The following CFAP54 variants were observed in gnomAD, a reference collection of about 807,000 sequenced individuals.
CFAP54 encodes the protein cilia- and flagella-associated protein 54.
Under a neutral mutation model 370.4 loss-of-function variants are expected in CFAP54, and 290 were observed. That is an observed-to-expected ratio of 0.78 (90% CI 0.71 to 0.86). CFAP54 has a LOEUF of 0.86. CFAP54 is among the 40% of genes least tolerant of loss of function. The pLI is 0.00. For missense variants in CFAP54, 3,399 were observed against 3,528.7 expected (o/e 0.96, Z 0.93); for synonymous variants, 1,206 against 1,236.5 (o/e 0.98, Z 0.52).
At chr12:96,823,138 C>G (rs73224641) in intron 65 of CFAP54, among the ~76,000 whole-genome samples, 63 of 148,028 alleles carry the variant, frequency 4.3e-4, no homozygotes, top group South Asian at 1.1e-3. Flanking sequence ...GTGTGTGTGT[C>G]TGTGTGTGTG....
intron 50 of CFAP54, among the ~76,000 whole-genome samples, chr12:96,725,416 G>A (rs1223813747): frequency 6.6e-6 from 1 of 152,108 alleles, no homozygotes; most frequent in Non-Finnish European, 1.5e-5. Context: ...GGATTCCTAA[G>A]TATTTTATTC....
At chr12:96,618,629 A>G (rs1408821607) in intron 26 of CFAP54, among the ~76,000 whole-genome samples, 1 of 152,036 alleles carries the variant, frequency 6.6e-6, no homozygotes, top group Non-Finnish European at 1.5e-5. Flanking sequence ...TTGGGCCGCC[A>G]CTGAAGAAGA....
At position 96,726,306 on chromosome 12, in the gene CFAP54, T is replaced by C. The variant is rs555765527; in HGVS notation, c.6965+5741T>C. On this transcript the variant is annotated intron_variant, in intron 50 of 67. Coordinates refer to ENST00000524981, the MANE Select transcript of CFAP54 (RefSeq NM_001306084.2). Reference sequence around the variant, plus strand: ...ATTCGGCTATGAATCCATCTGGTCCTGGACTCTTTTTGGTTGGTAAGCTAT... The same window carrying C: ...ATTCGGCTATGAATCCATCTGGTCCCGGACTCTTTTTGGTTGGTAAGCTAT... Among the ~76,000 whole-genome samples the C allele has an allele frequency of 1.6e-3, 248 of 152,314 alleles. 2 individuals carry two copies. The highest frequency in any genetic ancestry group is 2.7e-3 in the Non-Finnish European group (182 of 68,018).
At chr12:96,624,158 A>G (rs781172581) in intron 28 of CFAP54, among the ~76,000 whole-genome samples, 1 of 152,168 alleles carries the variant, frequency 6.6e-6, no homozygotes, top group Non-Finnish European at 1.5e-5. Context: ...AGTTTTCTCA[A>G]CCTCGACACT....
chr12:96,697,485 A>G (rs955870728), intron 45 of CFAP54, among the ~76,000 whole-genome samples: 1 of 151,912 alleles, frequency 6.6e-6, no homozygotes, highest in Non-Finnish European at 1.5e-5. Flanking sequence ...TAGACAAGCT[A>G]TTTTCTCTTT....
intron 16 of CFAP54, 127 bp from the exon 17 acceptor site, chr12:96,554,549 C>T: frequency 1.8e-6 from 2 of 1,118,476 alleles, no homozygotes. Flanking sequence ...CTGCAAAGGG[C>T]TGAGAAGTGA....
At position 96,658,305 on chromosome 12, in the gene CFAP54, C is replaced by T. The variant is rs756973010; in HGVS notation, c.5419C>T (p.Gln1807Ter). ...IQKFKGPDITQQPCARYEAEY... is the reference protein window; with the variant it reads ...IQKFKGPDIT Reference sequence around the variant, plus strand: ...GAAGTTCAAGGGCCCAGATATTACCCAACAACCTTGTGCAAGGTATGAGGC... The same window carrying T: ...GAAGTTCAAGGGCCCAGATATTACCTAACAACCTTGTGCAAGGTATGAGGC... The change falls in exon 38 of 68, where the codon CAA (glutamine) becomes TAA (stop). Residue 1807 changes from glutamine to a stop codon, truncating the protein, a stop_gained. Transcript: ENST00000524981. LOFTEE classifies it high-confidence loss of function. 2 of 1,614,138 alleles carry T rather than the reference C, an allele frequency of 1.2e-6. No individual in the cohort carries two copies. Among genetic ancestry groups the T allele is most frequent in the Non-Finnish European group, 1.7e-6 (2 of 1,180,006 alleles).
chr12:96,773,036 C>T (rs1038272491), intron 60 of CFAP54, among the ~76,000 whole-genome samples: 1 of 152,128 alleles, frequency 6.6e-6, no homozygotes, highest in African/African-American at 2.4e-5. Context: ...TGTTCCCCAC[C>T]AGAGATGTTA....
At chr12:96,504,447 C>A (rs1286297987) in intron 3 of CFAP54, among the ~76,000 whole-genome samples, 1 of 152,100 alleles carries the variant, frequency 6.6e-6, no homozygotes, top group Admixed American at 6.5e-5. Flanking sequence ...AATATTTATA[C>A]TTTATTTCTA....
rs534733638 is a variant in CFAP54 at position 96,815,360 on chromosome 12, G to C, written c.8958-2415G>C. On this transcript the variant is annotated intron_variant, in intron 64 of 67. Coordinates refer to ENST00000524981, the MANE Select transcript of CFAP54 (RefSeq NM_001306084.2). ...TGGCTGCCTAAATGTCTTTTTTTGAGAAGTGTCTTTTATATCCTTTGCCTA... is the reference window on the plus strand; with the variant it reads ...TGGCTGCCTAAATGTCTTTTTTTGACAAGTGTCTTTTATATCCTTTGCCTA... 1.4e-4 allele frequency among the ~76,000 whole-genome samples: 22 copies of C among 152,030 alleles called. 1 individual carries two copies. The South Asian group carries it at 4.4e-3, about 30-fold the overall frequency.
chr12:96,784,109 C>T (rs1282180373), intron 60 of CFAP54, among the ~76,000 whole-genome samples: 1 of 152,122 alleles, frequency 6.6e-6, no homozygotes, highest in Non-Finnish European at 1.5e-5. Flanking sequence ...TTTAATATTG[C>T]AAACAACACT....
At chr12:96,715,181 A>T (rs1957662013) in intron 48 of CFAP54, among the ~76,000 whole-genome samples, 1 of 152,196 alleles carries the variant, frequency 6.6e-6, no homozygotes, top group Non-Finnish European at 1.5e-5. Context: ...GTCTTAGAGC[A>T]TAGGAGGGCA....
chr12:96,801,551 T>C (rs1473170991), intron 63 of CFAP54, among the ~76,000 whole-genome samples: 1 of 152,206 alleles, frequency 6.6e-6, no homozygotes, highest in Admixed American at 6.5e-5. Context: ...TGTAAGAAGA[T>C]GTAACCACGG....
intron 19 of CFAP54, among the ~76,000 whole-genome samples, chr12:96,572,018 T>G (rs531517602): frequency 2.0e-5 from 3 of 152,200 alleles, no homozygotes; most frequent in Non-Finnish European, 4.4e-5. Context: ...GGATCTGAGT[T>G]AGGGGTCTAA....
At chr12:96,570,281 TTTGTAA>T (rs1285167430) in intron 19 of CFAP54, among the ~76,000 whole-genome samples, 2 of 151,856 alleles carry the variant, frequency 1.3e-5, no homozygotes, top group African/African-American at 4.8e-5. Flanking sequence ...GCCTCAGCTC[TTTGTAA>T]TTGTGTGCTC....
At chr12:96,516,212 G>C (rs1479640060) in intron 5 of CFAP54, among the ~76,000 whole-genome samples, 1 of 152,078 alleles carries the variant, frequency 6.6e-6, no homozygotes, top group Non-Finnish European at 1.5e-5. Context: ...ACTGCGTCCG[G>C]CCATTACCTC....
At chr12:96,498,376 C>T (rs542691917) in intron 1 of CFAP54, among the ~76,000 whole-genome samples, 85 of 152,332 alleles carry the variant, frequency 5.6e-4, no homozygotes, top group Non-Finnish European at 8.4e-4. Context: ...AACTCCTGGC[C>T]GGGCACCGTG....
intron 45 of CFAP54, among the ~76,000 whole-genome samples, chr12:96,697,357 G>A (rs1327343546): frequency 6.6e-6 from 1 of 152,088 alleles, no homozygotes; most frequent in Non-Finnish European, 1.5e-5. Context: ...GAGAAAAATG[G>A]TCATCTAGAA....
intron 58 of CFAP54, among the ~76,000 whole-genome samples, chr12:96,763,886 G>A (rs1342679966): frequency 6.6e-6 from 1 of 151,940 alleles, no homozygotes; most frequent in Non-Finnish European, 1.5e-5. Flanking sequence ...TTAAAACTTG[G>A]GATAACTGCT....
Sources: allele counts gnomAD v4.1 joint callset (sites outside exome capture counted in the v4.1 genomes callset), GRCh38; gene constraint gnomAD v4.1.1; transcripts MANE v1.5; gene names NCBI Gene and HGNC (gene_info 2026-07-23, HGNC 2026-07-21).